Variants in APBA1 observed in about 807,000 individuals in gnomAD.
APBA1 encodes the protein amyloid-beta A4 precursor protein-binding family A member 1.
APBA1 carries 55 observed loss-of-function variants against 86.6 expected under a neutral mutation model. The observed-to-expected ratio is 0.64, with a 90% CI of 0.51 to 0.80. The LOEUF is 0.80. Among genes scored for constraint, APBA1 ranks in the 30% least tolerant of loss-of-function variants. The pLI is 0.00. For synonymous variants in APBA1, 511 were observed against 493.9 expected, an observed-to-expected ratio of 1.03 and a Z score of -0.46; for missense variants, 1,090 against 1,183.0, an observed-to-expected ratio of 0.92 and a Z score of 1.15.
At chr9:69,636,787 C>T (rs1207853587) in intron 1 of APBA1, among the ~76,000 whole-genome samples, 1 of 107,170 alleles carries the variant, frequency 9.3e-6, no homozygotes, top group East Asian at 3.0e-4. Context: ...AGAGTGAGAG[C>T]CTGTCTCAAA....
intron 11 of APBA1, among the ~76,000 whole-genome samples, chr9:69,439,612 G>A (rs1030780008): frequency 6.6e-6 from 1 of 151,530 alleles, no homozygotes; most frequent in African/African-American, 2.4e-5. Context: ...TCACATTCTT[G>A]TAGTGTGGTT....
At chr9:69,670,821 C>T (rs1823935270) in intron 1 of APBA1, among the ~76,000 whole-genome samples, 1 of 152,090 alleles carries the variant, frequency 6.6e-6, no homozygotes, top group African/African-American at 2.4e-5. Context: ...GACCTGGGAC[C>T]CCATCGCTGT....
chr9:69,452,006 G>A, intron 9 of APBA1, 116 bp downstream of exon 9: 1 of 972,182 alleles, frequency 1.0e-6, no homozygotes, highest in Non-Finnish European at 1.6e-6. Flanking sequence ...ATGATGTCCT[G>A]CCAATACGGC....
chr9:69,466,533 C>G (rs997382922), intron 5 of APBA1, among the ~76,000 whole-genome samples: 1 of 152,100 alleles, frequency 6.6e-6, no homozygotes, highest in Non-Finnish European at 1.5e-5. Context: ...TGGTGGCACT[C>G]GGCCTCTGAC....
chr9:69,471,802 A>G, intron 3 of APBA1, 107 bp from the exon 4 acceptor site: 1 of 851,666 alleles, frequency 1.2e-6, no homozygotes, highest in Admixed American at 2.3e-5. Context: ...AGTGGCAGTT[A>G]CCAATTATTG....
intron 1 of APBA1, among the ~76,000 whole-genome samples, chr9:69,638,089 C>T (rs1003180560): frequency 1.3e-5 from 2 of 152,158 alleles, no homozygotes; most frequent in Admixed American, 6.5e-5. Context: ...TTTCAAAAGA[C>T]AACACATCTG....
intron 5 of APBA1, among the ~76,000 whole-genome samples, chr9:69,458,603 A>G (rs565084410): frequency 5.8e-4 from 89 of 152,250 alleles, no homozygotes; most frequent in South Asian, 3.7e-3. Context: ...ATGGCTTTTC[A>G]AACTTTATTC....
intron 1 of APBA1, among the ~76,000 whole-genome samples, chr9:69,618,787 C>G (rs1052406159): frequency 8.5e-5 from 13 of 152,174 alleles, no homozygotes; most frequent in African/African-American, 3.1e-4. Context: ...TATTTTCAGC[C>G]TTTGTTTTTA....
chr9:69,490,217 C>A (rs975166210), intron 2 of APBA1, among the ~76,000 whole-genome samples: 3 of 151,792 alleles, frequency 2.0e-5, no homozygotes, highest in Non-Finnish European at 4.4e-5. Flanking sequence ...AGTAAACTAT[C>A]GCAAGGACAA....
chr9:69,543,967 C>G (rs1204472728), intron 1 of APBA1, among the ~76,000 whole-genome samples: 2 of 152,214 alleles, frequency 1.3e-5, no homozygotes, highest in Admixed American at 6.5e-5. Context: ...GTAGGCCTCT[C>G]AAACTCAATT....
At chr9:69,546,149 T>C (rs1274687066) in intron 1 of APBA1, among the ~76,000 whole-genome samples, 1 of 152,070 alleles carries the variant, frequency 6.6e-6, no homozygotes, top group Non-Finnish European at 1.5e-5. Context: ...ATTTGGGGGG[T>C]ATCATTTGTA....
At chr9:69,600,821 T>TAAATAAAC (rs1822336371) in intron 1 of APBA1, among the ~76,000 whole-genome samples, 1 of 145,786 alleles carries the variant, frequency 6.9e-6, no homozygotes, top group African/African-American at 2.5e-5. Flanking sequence ...AATAAATAAA[T>TAAATAAAC]AAATAAATAA....
chr9:69,649,902 C>T (rs529751919), intron 1 of APBA1, among the ~76,000 whole-genome samples: 2 of 152,188 alleles, frequency 1.3e-5, no homozygotes, highest in African/African-American at 4.8e-5. Context: ...ATAGTGACAG[C>T]CGGTTGGCAT....
intron 1 of APBA1, among the ~76,000 whole-genome samples, chr9:69,604,073 G>A (rs1472772422): frequency 1.3e-5 from 2 of 152,208 alleles, no homozygotes; most frequent in African/African-American, 2.4e-5. Flanking sequence ...ATCTGGAAAC[G>A]CTGTACAAAG....
At chr9:69,620,796 T>C (rs1341641474) in intron 1 of APBA1, among the ~76,000 whole-genome samples, 1 of 152,182 alleles carries the variant, frequency 6.6e-6, no homozygotes, top group East Asian at 1.9e-4. Flanking sequence ...TTAAATTCAC[T>C]CCATCTCTGC....
At chr9:69,497,816 G>A (rs771938026) in intron 2 of APBA1, among the ~76,000 whole-genome samples, 9 of 151,986 alleles carry the variant, frequency 5.9e-5, no homozygotes, top group African/African-American at 9.7e-5. Context: ...ATCGTCCATC[G>A]GTCACTTCGG....
At chr9:69,451,372 T>A (rs189815013) in intron 9 of APBA1, among the ~76,000 whole-genome samples, 105 of 152,332 alleles carry the variant, frequency 6.9e-4, no homozygotes, top group Non-Finnish European at 8.8e-5. Context: ...CCCCAGTGGA[T>A]CAAATGATCA....
chr9:69,504,648 T>C (rs1364800331), intron 2 of APBA1, among the ~76,000 whole-genome samples: 2 of 152,006 alleles, frequency 1.3e-5, no homozygotes, highest in Non-Finnish European at 2.9e-5. Context: ...AGGAATACAC[T>C]CATCTGTTGG....
chr9:69,509,932 GAGCT>G (rs1439739985), intron 2 of APBA1, among the ~76,000 whole-genome samples: 4 of 113,138 alleles, frequency 3.5e-5, no homozygotes, highest in Non-Finnish European at 6.9e-5. Flanking sequence ...AAAATAATAA[GAGCT>G]ATCTATGACA....
Sources: gnomAD v4.1 joint callset for allele counts (sites outside exome capture counted in the v4.1 genomes callset) on GRCh38, gnomAD v4.1.1 for gene constraint, MANE v1.5 for transcripts, NCBI Gene and HGNC (gene_info 2026-07-23, HGNC 2026-07-21) for gene names.